The following STAU2 variants were observed in gnomAD, a reference collection of about 807,000 sequenced individuals.
The protein encoded by STAU2 is staufen double-stranded RNA binding protein 2.
In STAU2, 20 loss-of-function variants were observed where a neutral mutation model predicts 65.9. That is an observed-to-expected ratio of 0.30 (90% CI 0.21 to 0.44). The LOEUF is 0.44. STAU2 is among the 20% of genes least tolerant of loss of function. The probability of loss-of-function intolerance (pLI) is 1.00; values close to 1 mark genes in which losing one functional copy is unlikely to be tolerated. For synonymous variants in STAU2, 232 were observed against 233.9 expected, an observed-to-expected ratio of 0.99 and a Z score of 0.07; for missense variants, 558 against 683.9, an observed-to-expected ratio of 0.82 and a Z score of 2.05.
intron 13 of STAU2, among the ~76,000 whole-genome samples, chr8:73,438,674 G>T (rs1817893793): frequency 1.3e-5 from 2 of 152,232 alleles, no homozygotes; most frequent in Non-Finnish European, 2.9e-5. Context: ...GCGAGGGCAA[G>T]CTAGATGCTA....
At chr8:73,641,814 G>A (rs868051983) in intron 6 of STAU2, among the ~76,000 whole-genome samples, 3 of 152,026 alleles carry the variant, frequency 2.0e-5, no homozygotes, top group East Asian at 1.9e-4. Context: ...ATCTCTAGTC[G>A]AAATCAGATA....
At chr8:73,564,493 AAGGGTGG>A (rs945314075) in intron 12 of STAU2, among the ~76,000 whole-genome samples, 2 of 152,040 alleles carry the variant, frequency 1.3e-5, no homozygotes, top group African/African-American at 4.8e-5. Context: ...TCGAAGGGTG[AAGGGTGG>A]AGGGTGGAGG....
chr8:73,518,473 T>C (rs1375821853), intron 13 of STAU2, among the ~76,000 whole-genome samples: 1 of 152,198 alleles, frequency 6.6e-6, no homozygotes, highest in Non-Finnish European at 1.5e-5. Context: ...TCTGTCATCA[T>C]AGTGTGAAAG....
intron 13 of STAU2, among the ~76,000 whole-genome samples, chr8:73,448,880 G>A (rs1294331218): frequency 1.3e-5 from 2 of 152,238 alleles, no homozygotes; most frequent in Admixed American, 1.3e-4. Context: ...TGGGCGCTAG[G>A]GGCCAGTGCT....
At chr8:73,543,517 A>G (rs1247794760) in intron 13 of STAU2, among the ~76,000 whole-genome samples, 1 of 152,186 alleles carries the variant, frequency 6.6e-6, no homozygotes, top group African/African-American at 2.4e-5. Flanking sequence ...GTAACCTCAC[A>G]ATTAACTAAT....
intron 5 of STAU2, among the ~76,000 whole-genome samples, chr8:73,680,115 TTTCC>T (rs1818316881): frequency 8.9e-6 from 1 of 112,742 alleles, no homozygotes; most frequent in African/African-American, 3.5e-5. Flanking sequence ...GAATGCAAAT[TTTCC>T]TGGGCAGAAT....
chr8:73,582,617 T>G (rs1349483780), intron 12 of STAU2, among the ~76,000 whole-genome samples, 153 bp downstream of exon 12: 1 of 152,052 alleles, frequency 6.6e-6, no homozygotes, highest in East Asian at 1.9e-4. Flanking sequence ...ATTCTGTCAG[T>G]TCCAGGAAAG....
At chr8:73,629,945 A>G (rs984115030) in intron 6 of STAU2, among the ~76,000 whole-genome samples, 1 of 152,090 alleles carries the variant, frequency 6.6e-6, no homozygotes, top group African/African-American at 2.4e-5. Flanking sequence ...TATGTTTTAT[A>G]GAGATGCTTT....
chr8:73,713,344 A>C (rs998864037), intron 3 of STAU2, among the ~76,000 whole-genome samples: 1 of 152,220 alleles, frequency 6.6e-6, no homozygotes, highest in Non-Finnish European at 1.5e-5. Flanking sequence ...ACTGTGTTCA[A>C]GTCACTGAAC....
intron 9 of STAU2, among the ~76,000 whole-genome samples, chr8:73,606,539 A>G (rs1464763720): frequency 1.3e-5 from 2 of 152,230 alleles, no homozygotes; most frequent in Non-Finnish European, 2.9e-5. Context: ...CCAAAATGAG[A>G]TATCAATACC....
At chr8:73,438,135 C>T (rs1216039931) in intron 13 of STAU2, among the ~76,000 whole-genome samples, 1 of 152,174 alleles carries the variant, frequency 6.6e-6, no homozygotes, top group African/African-American at 2.4e-5. Context: ...AATCACAGGA[C>T]TGTGCTTATT....
At chr8:73,459,038 A>G (rs1378945624) in intron 13 of STAU2, among the ~76,000 whole-genome samples, 1 of 152,242 alleles carries the variant, frequency 6.6e-6, no homozygotes, top group African/African-American at 2.4e-5. Flanking sequence ...ATTTTATCGA[A>G]TGGAAGCCTA....
chr8:73,590,159 G>GGTGGAGGAA (rs1563442793), intron 11 of STAU2, among the ~76,000 whole-genome samples: 5 of 146,974 alleles, frequency 3.4e-5, no homozygotes, highest in African/African-American at 1.3e-4. Context: ...AAGAGGATAA[G>GGTGGAGGAA]AAGGAGAAGA....
intron 1 of STAU2, among the ~76,000 whole-genome samples, chr8:73,746,511 T>C (rs983563889): frequency 1.3e-4 from 19 of 147,764 alleles, no homozygotes; most frequent in African/African-American, 4.0e-4. Flanking sequence ...TCAGGACACC[T>C]GTGTCGTCCC....
intron 7 of STAU2, among the ~76,000 whole-genome samples, chr8:73,616,833 A>G (rs113204971): frequency 0.02 from 3,071 of 152,152 alleles, 96 homozygotes; most frequent in African/African-American, 0.067. Flanking sequence ...TATGTATAGG[A>G]CATGCCTGAG....
At chr8:73,455,050 G>A (rs1563602194) in intron 13 of STAU2, among the ~76,000 whole-genome samples, 1 of 152,178 alleles carries the variant, frequency 6.6e-6, no homozygotes, top group Non-Finnish European at 1.5e-5. Flanking sequence ...CATTTAGCCA[G>A]TTCATCCTAC....
intron 1 of STAU2, chr8:73,742,134 A>G (rs1171452281): frequency 1.1e-6 from 1 of 885,286 alleles, no homozygotes; most frequent in African/African-American, 1.8e-5. Flanking sequence ...TTTCTACTTT[A>G]AAGACACGCC....
chr8:73,721,116 CAAA>C (rs1159562570), intron 3 of STAU2, among the ~76,000 whole-genome samples: 2 of 43,658 alleles, frequency 4.6e-5, no homozygotes, highest in Admixed American at 2.7e-4. Flanking sequence ...CCCAACACTA[CAAA>C]AAAAAAAAAA....
Position 73,683,586 on chromosome 8 carries a change from C to T in STAU2, c.274+5068G>A, listed in dbSNP as rs1818584041. 2.6e-5 allele frequency among the ~76,000 whole-genome samples: 4 copies of T among 152,202 alleles called. No homozygotes were observed. The South Asian group carries it at 8.3e-4, about 32-fold the overall frequency. ...GCCCACTTTCACCACTTCTATTCAA[C>T]ACAGTACTGGAAGTCCTAGCCGGAG... On this transcript the variant is annotated intron_variant, in intron 5 of 14. Coordinates refer to ENST00000524300, the MANE Select transcript of STAU2 (RefSeq NM_001164380.2).
Sources: gnomAD v4.1 joint callset for allele counts (sites outside exome capture counted in the v4.1 genomes callset) on GRCh38, gnomAD v4.1.1 for gene constraint, MANE v1.5 for transcripts, NCBI Gene and HGNC (gene_info 2026-07-23, HGNC 2026-07-21) for gene names.